The following MYO3A variants were observed in gnomAD, a reference collection of about 807,000 sequenced individuals.
MYO3A encodes myosin-IIIa.
Under a neutral mutation model 192.7 loss-of-function variants are expected in MYO3A, and 180 were observed. The observed-to-expected ratio is 0.93, with a 90% CI of 0.83 to 1.06. The LOEUF is 1.06. MYO3A is among the 50% of genes least tolerant of loss of function. MYO3A has a pLI of 0.00. For synonymous variants in MYO3A, 628 were observed against 645.3 expected, an observed-to-expected ratio of 0.97 and a Z score of 0.41; for missense variants, 1,896 against 1,905.0, an observed-to-expected ratio of 1.00 and a Z score of 0.09.
rs1288021005 is a variant in MYO3A at position 26,096,551 on chromosome 10, T to G, written c.1662-17T>G. The G allele has an allele frequency of 1.3e-6, 2 of 1,593,580 alleles. No individual in the cohort carries two copies. The highest frequency in any genetic ancestry group is 1.1e-5 in the South Asian group (1 of 90,618). ...CTTAATTTTAGACTTTTATCCTTCC[T>G]TTTATATTTTTTTTAGGTACCTACA... On this transcript the variant is annotated splice_polypyrimidine_tract_variant and intron_variant, in intron 16 of 34. Transcript: ENST00000642920.
intron 20 of MYO3A, among the ~76,000 whole-genome samples, chr10:26,135,712 C>T (rs181767157): frequency 3.9e-5 from 6 of 152,216 alleles, no homozygotes; most frequent in East Asian, 3.9e-4. Context: ...CAGTGGCTCA[C>T]GCTTGTAATC....
intron 17 of MYO3A, among the ~76,000 whole-genome samples, chr10:26,110,869 CTT>C (rs398054216): frequency 1.9e-3 from 243 of 130,332 alleles, no homozygotes; most frequent in African/African-American, 5.7e-3. Context: ...GTTTTCTTTT[CTT>C]TTTTTTTTTT....
At chr10:26,025,455 C>T (rs569000896) in intron 9 of MYO3A, among the ~76,000 whole-genome samples, 1 of 152,180 alleles carries the variant, frequency 6.6e-6, no homozygotes, top group South Asian at 2.1e-4. Context: ...TTAAATCCTT[C>T]TCAAACATGT....
rs543316519 is a variant in MYO3A at position 26,117,800 on chromosome 10, C to T, written c.1777-2876C>T. On this transcript the variant is annotated intron_variant, in intron 17 of 34. Coordinates refer to ENST00000642920, the MANE Select transcript of MYO3A (RefSeq NM_017433.5). ...CTATTGTGAATAGTGCTGCAATGAA[C>T]ATATGCATACATGTATCTTTATAAT... Among the ~76,000 whole-genome samples the T allele has an allele frequency of 2.0e-5, 3 of 152,256 alleles. No individual in the cohort carries two copies. The East Asian group carries it at 5.8e-4, about 29-fold the overall frequency.
chr10:26,089,198 T>C (rs570355133), intron 15 of MYO3A, among the ~76,000 whole-genome samples: 11 of 152,328 alleles, frequency 7.2e-5, no homozygotes, highest in African/African-American at 2.6e-4. Flanking sequence ...TATTATTTAA[T>C]GTAAGTGCCT....
chr10:26,092,899 C>G (rs1179998819), intron 15 of MYO3A, among the ~76,000 whole-genome samples: 1 of 152,156 alleles, frequency 6.6e-6, no homozygotes, highest in East Asian at 1.9e-4. Flanking sequence ...CCCGGGTAAG[C>G]TTTGGAGGTG....
intron 4 of MYO3A, among the ~76,000 whole-genome samples, chr10:25,970,644 A>G (rs1488524031): frequency 6.6e-6 from 1 of 151,974 alleles, no homozygotes; most frequent in Admixed American, 6.5e-5. Flanking sequence ...TGAAAGGAAG[A>G]GTTGTCTCTT....
chr10:26,146,712 G>T (rs532888407), intron 22 of MYO3A, among the ~76,000 whole-genome samples: 72 of 152,138 alleles, frequency 4.7e-4, no homozygotes, highest in Non-Finnish European at 9.3e-4. Flanking sequence ...CACAGTGAAA[G>T]TTTACATCTT....
intron 25 of MYO3A, 142 bp from the exon 26 acceptor site, chr10:26,157,168 T>C: frequency 2.7e-6 from 2 of 733,512 alleles, no homozygotes; most frequent in Non-Finnish European, 2.3e-6. Context: ...TTAAAACAGA[T>C]TTTCCTCCAT....
intron 3 of MYO3A, among the ~76,000 whole-genome samples, chr10:25,953,350 C>T (rs1254336179): frequency 6.6e-6 from 1 of 151,732 alleles, no homozygotes; most frequent in Non-Finnish European, 1.5e-5. Context: ...TTATTTTGAG[C>T]AGAGGAGAAA....
chr10:26,004,065 G>T (rs1841020647), intron 6 of MYO3A, among the ~76,000 whole-genome samples: 1 of 152,290 alleles, frequency 6.6e-6, no homozygotes, highest in Middle Eastern at 3.4e-3. Flanking sequence ...AAAAGCCATT[G>T]GGTGGGACAA....
chr10:26,196,280 A>C (rs1276730464), intron 32 of MYO3A, among the ~76,000 whole-genome samples: 1 of 152,252 alleles, frequency 6.6e-6, no homozygotes, highest in Non-Finnish European at 1.5e-5. Context: ...TGGCTTCAAC[A>C]GCAGATACTA....
At chr10:26,103,366 C>T (rs1004732108) in intron 17 of MYO3A, among the ~76,000 whole-genome samples, 3 of 152,210 alleles carry the variant, frequency 2.0e-5, no homozygotes, top group African/African-American at 7.2e-5. Flanking sequence ...TCTGCTTCAG[C>T]TCACACTCCG....
At chr10:25,965,550 T>A (rs1250004460) in intron 4 of MYO3A, among the ~76,000 whole-genome samples, 1 of 152,092 alleles carries the variant, frequency 6.6e-6, no homozygotes, top group African/African-American at 2.4e-5. Flanking sequence ...AGTTGGTGTC[T>A]CAGTTCGTTG....
intron 17 of MYO3A, among the ~76,000 whole-genome samples, chr10:26,115,287 A>T (rs1026330446): frequency 2.2e-4 from 33 of 152,178 alleles, no homozygotes; most frequent in Admixed American, 1.3e-4. Context: ...ATCATGGCAG[A>T]GGCAAGCTGT....
chr10:26,094,952 TTAA>T (rs1346970594), intron 15 of MYO3A, among the ~76,000 whole-genome samples: 3 of 152,266 alleles, frequency 2.0e-5, no homozygotes, highest in South Asian at 2.1e-4. Flanking sequence ...AAAAATAAGC[TTAA>T]TAATAATAAT....
At chr10:26,142,975 G>A (rs897879526) in intron 20 of MYO3A, among the ~76,000 whole-genome samples, 1 of 152,072 alleles carries the variant, frequency 6.6e-6, no homozygotes, top group African/African-American at 2.4e-5. Context: ...AGTATAATCA[G>A]TTCAGACTTT....
At chr10:25,963,647 T>TA (rs745925837) in intron 4 of MYO3A, among the ~76,000 whole-genome samples, 4 of 152,074 alleles carry the variant, frequency 2.6e-5, no homozygotes, top group Admixed American at 1.3e-4. Context: ...TGCAGTGGAG[T>TA]AGCAGACTCA....
intron 28 of MYO3A, 141 bp downstream of exon 28, chr10:26,169,015 A>T (rs1379281696): frequency 1.0e-5 from 8 of 773,514 alleles, no homozygotes; most frequent in Non-Finnish European, 1.2e-5. Flanking sequence ...ATTAAATCTA[A>T]GTCAAATTGT....
Sources: gnomAD v4.1 joint callset for allele counts (sites outside exome capture counted in the v4.1 genomes callset) on GRCh38, gnomAD v4.1.1 for gene constraint, MANE v1.5 for transcripts, NCBI Gene and HGNC (gene_info 2026-07-23, HGNC 2026-07-21) for gene names.